RAVER2: variants seen among roughly 807,000 people sequenced by gnomAD.
RAVER2 encodes ribonucleoprotein PTB-binding 2.
RAVER2 carries 46 observed loss-of-function variants against 78.1 expected under a neutral mutation model. That is an observed-to-expected ratio of 0.59 (90% CI 0.46 to 0.75). The LOEUF (loss-of-function observed/expected upper bound fraction) is 0.75, where lower values mean the gene tolerates loss of function less well. Ranked by LOEUF, RAVER2 falls within the 30% of genes least tolerant of loss-of-function variation. The probability of loss-of-function intolerance (pLI) is 0.00; values close to 1 mark genes in which losing one functional copy is unlikely to be tolerated. For synonymous variants in RAVER2, 311 were observed against 313.3 expected, an observed-to-expected ratio of 0.99 and a Z score of 0.08; for missense variants, 793 against 837.5, an observed-to-expected ratio of 0.95 and a Z score of 0.66.
intron 5 of RAVER2, among the ~76,000 whole-genome samples, chr1:64,790,365 C>T (rs756103938): frequency 6.6e-6 from 1 of 152,146 alleles, no homozygotes; most frequent in Non-Finnish European, 1.5e-5. Flanking sequence ...CATTACCCAC[C>T]CATTAATCAC....
intron 10 of RAVER2, among the ~76,000 whole-genome samples, chr1:64,813,415 A>G (rs1653674192): frequency 2.0e-5 from 3 of 152,306 alleles, no homozygotes; most frequent in Admixed American, 6.5e-5. Context: ...AGGGATATCT[A>G]CATATACTGA....
intron 2 of RAVER2, among the ~76,000 whole-genome samples, chr1:64,776,707 T>C (rs1275049511): frequency 6.6e-6 from 1 of 152,190 alleles, no homozygotes; most frequent in East Asian, 1.9e-4. Flanking sequence ...CTATGTATTT[T>C]TTAATGGGGG....
chr1:64,771,421 A>C (rs1461062610), intron 2 of RAVER2, among the ~76,000 whole-genome samples: 1 of 152,060 alleles, frequency 6.6e-6, no homozygotes, highest in African/African-American at 2.4e-5. Flanking sequence ...AGAAATACTT[A>C]AGGAAGTCCT....
chr1:64,794,717 G>A (rs979304856), intron 5 of RAVER2, among the ~76,000 whole-genome samples: 1 of 152,002 alleles, frequency 6.6e-6, no homozygotes, highest in African/African-American at 2.4e-5. Flanking sequence ...TTATCAAGTT[G>A]TAAGAGTGTT....
chr1:64,772,498 G>A (rs1014874037), intron 2 of RAVER2, among the ~76,000 whole-genome samples: 2 of 152,080 alleles, frequency 1.3e-5, no homozygotes, highest in African/African-American at 4.8e-5. Context: ...TAGGGTAGCA[G>A]GCATCTAAGC....
chr1:64,758,506 C>A (rs1022840000), intron 1 of RAVER2, among the ~76,000 whole-genome samples: 1 of 152,036 alleles, frequency 6.6e-6, no homozygotes, highest in Non-Finnish European at 1.5e-5. Context: ...AGACGTGATT[C>A]GCTGTTTGTT....
intron 1 of RAVER2, among the ~76,000 whole-genome samples, chr1:64,760,205 G>C (rs940637058): frequency 6.6e-6 from 1 of 152,132 alleles, no homozygotes; most frequent in East Asian, 1.9e-4. Context: ...TCACATGCTG[G>C]GAAGCTACTT....
chr1:64,828,882 G>A (rs1241112905), intron 11 of RAVER2, among the ~76,000 whole-genome samples: 1 of 152,100 alleles, frequency 6.6e-6, no homozygotes, highest in Non-Finnish European at 1.5e-5. Flanking sequence ...TTTTATAACT[G>A]GGACTAACTT....
intron 1 of RAVER2, among the ~76,000 whole-genome samples, chr1:64,748,264 CTTTG>C: frequency 6.6e-6 from 1 of 152,230 alleles, no homozygotes; most frequent in Non-Finnish European, 1.5e-5. Flanking sequence ...TCCTGGCCCT[CTTTG>C]TTTTCACAGC....
chr1:64,791,674 A>G (rs187228952), intron 5 of RAVER2, among the ~76,000 whole-genome samples: 18 of 152,338 alleles, frequency 1.2e-4, no homozygotes, highest in Admixed American at 7.8e-4. Flanking sequence ...TTTTAATAGT[A>G]TAGAGATACT....
At chr1:64,765,487 T>G (rs982448505) in intron 1 of RAVER2, among the ~76,000 whole-genome samples, 1 of 152,198 alleles carries the variant, frequency 6.6e-6, no homozygotes, top group Non-Finnish European at 1.5e-5. Flanking sequence ...ATATTGAGTC[T>G]AAGAATCAAG....
At chr1:64,753,030 T>C (rs1318530324) in intron 1 of RAVER2, among the ~76,000 whole-genome samples, 1 of 152,174 alleles carries the variant, frequency 6.6e-6, no homozygotes, top group East Asian at 1.9e-4. Flanking sequence ...ACTAAATCCC[T>C]TTTATTGTTT....
At chr1:64,812,577 T>C (rs758302226) in intron 9 of RAVER2, among the ~76,000 whole-genome samples, 161 bp from the exon 10 acceptor site, 4 of 152,154 alleles carry the variant, frequency 2.6e-5, no homozygotes, top group Admixed American at 6.5e-5. Context: ...AAAAACCTAA[T>C]TGAACAACTA....
intron 4 of RAVER2, among the ~76,000 whole-genome samples, chr1:64,784,717 A>G (rs1557593363): frequency 6.6e-6 from 1 of 152,206 alleles, no homozygotes; most frequent in Non-Finnish European, 1.5e-5. Context: ...ATGTTCTATA[A>G]TATCTATATA....
intron 5 of RAVER2, among the ~76,000 whole-genome samples, chr1:64,794,193 G>A (rs61784683): frequency 0.019 from 2,880 of 152,020 alleles, 34 homozygotes; most frequent in Non-Finnish European, 0.026. Context: ...AGCGGATCAC[G>A]AGGTCAAGAG....
intron 1 of RAVER2, among the ~76,000 whole-genome samples, chr1:64,758,221 A>G (rs946140375): frequency 2.0e-5 from 3 of 152,198 alleles, no homozygotes; most frequent in African/African-American, 7.2e-5. Flanking sequence ...TTATTTGTGC[A>G]ATTGTGATAG....
At chr1:64,831,901 C>G (rs1411260775) in exon 12 of RAVER2, 3 of 152,174 alleles carry the variant, frequency 2.0e-5, no homozygotes, top group Non-Finnish European at 4.4e-5. Context: ...AAGGGCAGAA[C>G]TGATTAGCTT....
At chr1:64,773,061 G>A (rs1570542050) in intron 2 of RAVER2, among the ~76,000 whole-genome samples, 1 of 152,132 alleles carries the variant, frequency 6.6e-6, no homozygotes, top group Non-Finnish European at 1.5e-5. Flanking sequence ...TATTAGACGG[G>A]TGGAATTTGA....
intron 11 of RAVER2, among the ~76,000 whole-genome samples, chr1:64,819,781 A>G (rs917861528): frequency 2.0e-5 from 3 of 152,208 alleles, no homozygotes; most frequent in African/African-American, 7.2e-5. Flanking sequence ...AGGTTTCTCA[A>G]TCTTGGTACT....
Sources: allele counts gnomAD v4.1 joint callset (sites outside exome capture counted in the v4.1 genomes callset), GRCh38; gene constraint gnomAD v4.1.1; transcripts MANE v1.5; gene names NCBI Gene and HGNC (gene_info 2026-07-23, HGNC 2026-07-21).